The following CCDC7 variants were observed in gnomAD, a reference collection of about 807,000 sequenced individuals.
CCDC7 encodes the protein coiled-coil domain containing 7.
A neutral mutation model predicts 196.9 loss-of-function variants in CCDC7; 183 were observed. That is an observed-to-expected ratio of 0.93 (90% confidence interval 0.82 to 1.05). CCDC7 has a LOEUF of 1.05. CCDC7 is among the 50% of genes least tolerant of loss of function. The probability of loss-of-function intolerance (pLI) is 0.00; values close to 1 mark genes in which losing one functional copy is unlikely to be tolerated. For synonymous variants in CCDC7, 525 were observed against 484.6 expected, an observed-to-expected ratio of 1.08 and a Z score of -1.10; for missense variants, 1,540 against 1,482.2, an observed-to-expected ratio of 1.04 and a Z score of -0.64.
chr10:32,512,804 G>A (rs1459086360), intron 9 of CCDC7: 1 of 152,028 alleles, frequency 6.6e-6, no homozygotes, highest in Non-Finnish European at 1.5e-5. Flanking sequence ...AGGTAACTAA[G>A]GGAAAGACAA....
intron 28 of CCDC7, among the ~76,000 whole-genome samples, chr10:32,772,138 G>A (rs2079260229): frequency 6.6e-6 from 1 of 152,178 alleles, no homozygotes. Flanking sequence ...CCCTGTGCAG[G>A]GCAAGCAGCA....
intron 6 of CCDC7, among the ~76,000 whole-genome samples, chr10:32,471,691 A>G (rs3004208): frequency 0.14 from 21,000 of 152,170 alleles, 1,754 homozygotes; most frequent in East Asian, 0.25. Flanking sequence ...TTACATTTAT[A>G]AGCAACCATG....
At chr10:32,775,888 C>T (rs1398744398) in intron 28 of CCDC7, among the ~76,000 whole-genome samples, 2 of 151,390 alleles carry the variant, frequency 1.3e-5, no homozygotes, top group African/African-American at 2.4e-5. Context: ...ACCCAAATGT[C>T]CAACAATGAT....
At chr10:32,825,470 T>G (rs187929998) in intron 32 of CCDC7, among the ~76,000 whole-genome samples, 3 of 152,346 alleles carry the variant, frequency 2.0e-5, no homozygotes, top group Admixed American at 2.0e-4. Context: ...CTGTGCTGGA[T>G]GCTTCCTGCC....
At chr10:32,475,323 A>G (rs530261673) in intron 8 of CCDC7, among the ~76,000 whole-genome samples, 1 of 152,282 alleles carries the variant, frequency 6.6e-6, no homozygotes, top group South Asian at 2.1e-4. Context: ...CTTTATTTCC[A>G]TATGTACTGC....
At chr10:32,583,539 G>A (rs1313435448) in intron 17 of CCDC7, among the ~76,000 whole-genome samples, 1 of 151,570 alleles carries the variant, frequency 6.6e-6, no homozygotes, top group Non-Finnish European at 1.5e-5. Flanking sequence ...AAAAAGTTGT[G>A]GGTTACATTT....
At chr10:32,782,288 C>T (rs182023417) in intron 29 of CCDC7, among the ~76,000 whole-genome samples, 5 of 151,570 alleles carry the variant, frequency 3.3e-5, no homozygotes, top group East Asian at 1.9e-4. Flanking sequence ...TGTGCAGTGG[C>T]GCAATCTCAG....
chr10:32,508,821 C>CG (rs1357806860), intron 9 of CCDC7, among the ~76,000 whole-genome samples: 2 of 151,584 alleles, frequency 1.3e-5, no homozygotes, highest in African/African-American at 4.8e-5. Flanking sequence ...TTAGTAGAGA[C>CG]GGGGTTTTAC....
chr10:32,808,661 G>C (rs796928510), intron 30 of CCDC7, among the ~76,000 whole-genome samples: 1 of 114,576 alleles, frequency 8.7e-6, no homozygotes, highest in Non-Finnish European at 2.1e-5. Flanking sequence ...TATCACCTAG[G>C]GGCCCAAGGA....
intron 31 of CCDC7, among the ~76,000 whole-genome samples, chr10:32,822,262 A>G (rs1437069905): frequency 6.6e-6 from 1 of 152,142 alleles, no homozygotes; most frequent in Admixed American, 6.5e-5. Flanking sequence ...TCTTTTCTTA[A>G]TTTATCTAAA....
At chr10:32,499,815 A>C (rs569971855) in intron 9 of CCDC7, among the ~76,000 whole-genome samples, 54 of 151,414 alleles carry the variant, frequency 3.6e-4, no homozygotes, top group African/African-American at 1.3e-3. Flanking sequence ...CTTAACGAGT[A>C]TGCTGCCTTC....
At chr10:32,563,436 T>C (rs2136763138) in intron 13 of CCDC7, among the ~76,000 whole-genome samples, 1 of 152,346 alleles carries the variant, frequency 6.6e-6, no homozygotes, top group African/African-American at 2.4e-5. Flanking sequence ...AGCATGGTAC[T>C]GGTACCAAAA....
chr10:32,601,890 G>GC (rs1337601921), intron 18 of CCDC7, among the ~76,000 whole-genome samples: 1 of 152,016 alleles, frequency 6.6e-6, no homozygotes, highest in Non-Finnish European at 1.5e-5. Context: ...ACCAATCAGT[G>GC]CTCTGTAAAA....
intron 41 of CCDC7, among the ~76,000 whole-genome samples, chr10:32,868,565 A>T (rs2094297344): frequency 6.6e-6 from 1 of 151,658 alleles, no homozygotes; most frequent in Non-Finnish European, 1.5e-5. Flanking sequence ...ATTTATCAGC[A>T]CATTATTCTT....
intron 24 of CCDC7, among the ~76,000 whole-genome samples, chr10:32,702,580 ACT>A (rs1272562479): frequency 1.3e-5 from 2 of 150,708 alleles, no homozygotes; most frequent in African/African-American, 4.9e-5. Context: ...ATCCTTGTTG[ACT>A]CTCTGTCTCG....
intron 3 of CCDC7, among the ~76,000 whole-genome samples, chr10:32,461,725 A>G (rs1329595179): frequency 0.029 from 765 of 26,206 alleles, 2 homozygotes; most frequent in Non-Finnish European, 0.055. Context: ...ATATATATAT[A>G]TATATGTATA....
Position 32,686,090 on chromosome 10 carries a change from A to C in CCDC7, c.2233+10A>C. ...GAGCAACCACTCACCAGTAAGTATA[A>C]AAATTACACATAACTTTACATTATT... On this transcript the variant is annotated intron_variant, in intron 22 of 41. Transcript: ENST00000639629. 8.2e-7 allele frequency: 1 copy of C among 1,217,770 alleles called. No homozygotes were observed. The highest frequency in any genetic ancestry group is 1.2e-6 in the Non-Finnish European group (1 of 851,570). The allele number at this position is 1,217,770 out of a possible 1,614,324, so 75.4% of individuals were successfully genotyped here. A position where few individuals can be genotyped will look rare whatever the true frequency, so the allele number is the denominator to read the frequency against.
At chr10:32,462,144 T>G (rs2035873036) in intron 3 of CCDC7, among the ~76,000 whole-genome samples, 1 of 152,048 alleles carries the variant, frequency 6.6e-6, no homozygotes, top group African/African-American at 2.4e-5. Context: ...ATAGATATAT[T>G]AGGGCCAGGC....
chr10:32,840,543 A>G (rs1323634229), intron 33 of CCDC7, among the ~76,000 whole-genome samples: 1 of 151,996 alleles, frequency 6.6e-6, no homozygotes, highest in African/African-American at 2.4e-5. Context: ...GTTCAGGACC[A>G]AATGGGATTC....
Sources: gnomAD v4.1 joint callset for allele counts (sites outside exome capture counted in the v4.1 genomes callset) on GRCh38, gnomAD v4.1.1 for gene constraint, MANE v1.5 for transcripts, NCBI Gene and HGNC (gene_info 2026-07-23, HGNC 2026-07-21) for gene names.